CTDSPL: variants seen among roughly 807,000 people sequenced by gnomAD.
CTDSPL encodes CTD small phosphatase-like protein.
CTDSPL carries 8 observed loss-of-function variants against 30.5 expected under a neutral mutation model. That is an observed-to-expected ratio of 0.26 (90% confidence interval 0.15 to 0.47). The LOEUF (loss-of-function observed/expected upper bound fraction) is 0.47, where lower values mean the gene tolerates loss of function less well. CTDSPL is among the 20% of genes least tolerant of loss of function. The pLI, the probability that CTDSPL is intolerant of heterozygous loss-of-function variation, is 0.99. For synonymous variants in CTDSPL, 110 were observed against 137.9 expected, an observed-to-expected ratio of 0.80 and a Z score of 1.42; for missense variants, 248 against 366.1, an observed-to-expected ratio of 0.68 and a Z score of 2.63.
intron 1 of CTDSPL, among the ~76,000 whole-genome samples, chr3:37,918,015 A>G (rs998597811): frequency 1.1e-4 from 16 of 152,180 alleles, no homozygotes; most frequent in African/African-American, 3.4e-4. Flanking sequence ...GGATAAAGGA[A>G]GATCTGAGGG....
At chr3:37,951,514 AAAAAAT>A (rs1191423830) in intron 2 of CTDSPL, among the ~76,000 whole-genome samples, 2 of 152,016 alleles carry the variant, frequency 1.3e-5, no homozygotes, top group African/African-American at 4.8e-5. Flanking sequence ...CCATCTCTAC[AAAAAAT>A]AAAAATAAAA....
intron 1 of CTDSPL, among the ~76,000 whole-genome samples, chr3:37,927,142 G>A (rs145820709): frequency 9.5e-4 from 144 of 152,182 alleles, no homozygotes; most frequent in African/African-American, 3.3e-3. Flanking sequence ...ACCTCATGAT[G>A]GGCATTTGTA....
chr3:37,877,908 G>C (rs1698157017), intron 1 of CTDSPL, among the ~76,000 whole-genome samples: 1 of 152,042 alleles, frequency 6.6e-6, no homozygotes, highest in Non-Finnish European at 1.5e-5. Flanking sequence ...ATTCATGAGG[G>C]ATCCGCTCCC....
At chr3:37,904,171 A>G (rs1320943238) in intron 1 of CTDSPL, among the ~76,000 whole-genome samples, 1 of 152,046 alleles carries the variant, frequency 6.6e-6, no homozygotes, top group African/African-American at 2.4e-5. Flanking sequence ...GCAGCCTTTC[A>G]CTGAAACTTT....
chr3:37,958,691 T>A (rs766516762), intron 3 of CTDSPL, among the ~76,000 whole-genome samples: 1 of 152,212 alleles, frequency 6.6e-6, no homozygotes. Flanking sequence ...CTTATGTAAT[T>A]GATCCTACTG....
intron 1 of CTDSPL, among the ~76,000 whole-genome samples, chr3:37,943,654 A>C (rs1368766794): frequency 2.0e-5 from 3 of 150,410 alleles, no homozygotes; most frequent in Non-Finnish European, 4.5e-5. Flanking sequence ...TTAATATCCT[A>C]AAAGACCTTG....
chr3:37,924,836 T>C (rs1164134725), intron 1 of CTDSPL, among the ~76,000 whole-genome samples: 2 of 152,170 alleles, frequency 1.3e-5, no homozygotes, highest in African/African-American at 4.8e-5. Context: ...TGTCCTGCCC[T>C]CACCAGCATG....
chr3:37,894,721 A>G (rs935124774), intron 1 of CTDSPL, among the ~76,000 whole-genome samples: 5 of 152,166 alleles, frequency 3.3e-5, no homozygotes, highest in Non-Finnish European at 5.9e-5. Flanking sequence ...GTTGTCCTAC[A>G]GGTCTGAGGC....
chr3:37,882,909 C>A (rs552667238), intron 1 of CTDSPL, among the ~76,000 whole-genome samples: 14 of 152,280 alleles, frequency 9.2e-5, no homozygotes, highest in Non-Finnish European at 1.9e-4. Context: ...TCTAAGGTGA[C>A]CTTCCAAACA....
At chr3:37,867,778 A>G (rs1698028689) in intron 1 of CTDSPL, among the ~76,000 whole-genome samples, 2 of 152,174 alleles carry the variant, frequency 1.3e-5, no homozygotes, top group Admixed American at 6.5e-5. Context: ...AAACCAGGAA[A>G]TTGACATTGG....
intron 1 of CTDSPL, among the ~76,000 whole-genome samples, chr3:37,863,643 T>TC: frequency 6.6e-6 from 1 of 152,226 alleles, no homozygotes; most frequent in South Asian, 2.1e-4. Flanking sequence ...CAGATTTCTT[T>TC]CTAGGGGCTC....
At chr3:37,944,562 G>A (rs1699013899) in intron 1 of CTDSPL, among the ~76,000 whole-genome samples, 1 of 150,024 alleles carries the variant, frequency 6.7e-6, no homozygotes, top group South Asian at 2.2e-4. Flanking sequence ...TGAATGCTGA[G>A]GGTGGGTGAG....
chr3:37,869,027 A>G (rs1166946218), intron 1 of CTDSPL, among the ~76,000 whole-genome samples: 1 of 151,866 alleles, frequency 6.6e-6, no homozygotes, highest in Non-Finnish European at 1.5e-5. Context: ...AAGTCTTCCA[A>G]TCCATGAACA....
At chr3:37,957,490 T>A (rs1456930422) in intron 3 of CTDSPL, among the ~76,000 whole-genome samples, 1 of 152,170 alleles carries the variant, frequency 6.6e-6, no homozygotes, top group African/African-American at 2.4e-5. Context: ...CTCCATAGAT[T>A]GGCGGGAACA....
intron 1 of CTDSPL, among the ~76,000 whole-genome samples, chr3:37,920,130 G>C (rs1404676906): frequency 2.0e-5 from 3 of 152,164 alleles, no homozygotes; most frequent in Non-Finnish European, 4.4e-5. Context: ...TGTCAGGACT[G>C]GTTCCTTCTG....
chr3:37,917,202 G>A (rs575194706), intron 1 of CTDSPL, among the ~76,000 whole-genome samples: 4 of 152,148 alleles, frequency 2.6e-5, no homozygotes, highest in African/African-American at 7.2e-5. Flanking sequence ...AGCACAGTAC[G>A]GACAGAGACA....
chr3:37,976,207 G>A (rs777791948), intron 7 of CTDSPL, among the ~76,000 whole-genome samples: 4 of 152,114 alleles, frequency 2.6e-5, no homozygotes, highest in Non-Finnish European at 2.9e-5. Flanking sequence ...AGCCTGTATC[G>A]TCTTATTGAC....
At chr3:37,944,982 ATT>A (rs1699018706) in intron 1 of CTDSPL, among the ~76,000 whole-genome samples, 1 of 150,066 alleles carries the variant, frequency 6.7e-6, no homozygotes, top group African/African-American at 2.4e-5. Flanking sequence ...TCATTTGTTA[ATT>A]AGTTAGTTAG....
In CTDSPL at chr3:37,975,975, T is replaced by C; in HGVS notation, c.705+81T>C. The stretch of plus-strand genomic sequence containing the variant: ...CAGGCAGGTACCACTTTTGAGCACC[T>C]ACACAAGAAGGTCTCTGGGCCTTTT... On this transcript the variant is annotated intron_variant, in intron 7 of 7. Transcript: ENST00000273179. The surrounding 1 kb of genome is among the most constrained non-coding windows in gnomAD (Gnocchi z 4.9). 6.9e-7 allele frequency: 1 copy of C among 1,442,548 alleles called. No homozygotes were observed. The highest frequency in any genetic ancestry group is 1.4e-5 in the African/African-American group (1 of 70,958). 89.4% of individuals were successfully genotyped at this position (1,442,548 alleles called of 1,614,324 possible).
Sources: allele counts gnomAD v4.1 joint callset (sites outside exome capture counted in the v4.1 genomes callset), GRCh38; gene constraint gnomAD v4.1.1; non-coding constraint Gnocchi (gnomAD v3.1); transcripts MANE v1.5; gene names NCBI Gene and HGNC (gene_info 2026-07-23, HGNC 2026-07-21).